The following TNFRSF8 variants were observed in gnomAD, a reference collection of about 807,000 sequenced individuals.
TNFRSF8 encodes TNF receptor superfamily member 8.
In TNFRSF8, 26 loss-of-function variants were observed where a neutral mutation model predicts 70.8. The ratio of observed to expected loss-of-function variants is 0.37; its 90% CI spans 0.27 to 0.51. The LOEUF is 0.51. TNFRSF8 is among the 20% of genes least tolerant of loss of function. TNFRSF8 has a pLI of 0.94. For synonymous variants in TNFRSF8, 356 were observed against 339.2 expected (o/e 1.05, Z -0.54); for missense variants, 720 against 807.9 (o/e 0.89, Z 1.32).
At chr1:12,097,646 C>T (rs186648225) in intron 3 of TNFRSF8, among the ~76,000 whole-genome samples, 24 of 151,930 alleles carry the variant, frequency 1.6e-4, no homozygotes, top group Admixed American at 1.4e-3. Flanking sequence ...ACAGGACTTC[C>T]AGGAAAACTG....
chr1:12,128,833 C>CTTTTTTTTTTTTTTTTTT (rs60878706), intron 12 of TNFRSF8, among the ~76,000 whole-genome samples: 1 of 111,776 alleles, frequency 8.9e-6, no homozygotes, highest in African/African-American at 3.6e-5. Flanking sequence ...GTCTAAAATT[C>CTTTTTTTTTTTTTTTTTT]TTTTTTTTTT....
At chr1:12,082,660 T>C (rs1458068899) in intron 1 of TNFRSF8, among the ~76,000 whole-genome samples, 1 of 151,584 alleles carries the variant, frequency 6.6e-6, no homozygotes, top group East Asian at 1.9e-4. Flanking sequence ...CTTCACACCA[T>C]GTACAAGAAT....
chr1:12,073,592 CTT>C (rs796643706), intron 1 of TNFRSF8, among the ~76,000 whole-genome samples: 1 of 121,298 alleles, frequency 8.2e-6, no homozygotes, highest in Admixed American at 8.6e-5. Flanking sequence ...TTTTCTTTTT[CTT>C]TTTTTTTTTT....
intron 12 of TNFRSF8, among the ~76,000 whole-genome samples, chr1:12,131,110 C>G (rs1642039962): frequency 1.3e-5 from 2 of 152,178 alleles, no homozygotes; most frequent in South Asian, 4.1e-4. Context: ...GCTGTGTGCT[C>G]AACAGCATCC....
intron 13 of TNFRSF8, among the ~76,000 whole-genome samples, chr1:12,137,548 GTTTTTTTTTGT>G (rs767582103): frequency 0.024 from 3,204 of 131,464 alleles, 44 homozygotes; most frequent in Non-Finnish European, 0.03. Context: ...CTGTTTTTTT[GTTTTTTTTTGT>G]TTTTTTTTTG....
chr1:12,071,981 G>A (rs1640855597), intron 1 of TNFRSF8, among the ~76,000 whole-genome samples: 1 of 152,172 alleles, frequency 6.6e-6, no homozygotes, highest in Non-Finnish European at 1.5e-5. Context: ...ATAGGCATGA[G>A]CCACCTTTGA....
In TNFRSF8 at chr1:12,097,110, C is replaced by T; in HGVS notation, c.161C>T (p.Pro54Leu). 7 of 1,613,566 alleles carry T rather than the reference C, an allele frequency of 4.3e-6. No individual in the cohort carries two copies. Among genetic ancestry groups the T allele is most frequent in the South Asian group, 1.1e-5 (1 of 91,048 alleles). ...CCYRCPMGLF[P>L]TQQCPQRPTD... ...CTGTTTCTTTTCCCAGGGCTGTTCC[C>T]GACACAGCAGTGCCCACAGAGGCCT... Residue 54 changes from proline (P) to leucine (L), a missense_variant, in exon 3 of 15, where the codon CCG (proline) becomes CTG (leucine). Coordinates refer to ENST00000263932, the MANE Select transcript of TNFRSF8 (RefSeq NM_001243.5).
At position 12,141,769 on chromosome 1, in the gene TNFRSF8, G is replaced by C. The variant is rs533027948; in HGVS notation, c.1544-518G>C. Reference sequence around the variant, plus strand: ...ATAGGAGCAGAAAGGGCCACCAGGCGGAGTGGGTGGTTTTTTTTTGGGGGA... The same window carrying C: ...ATAGGAGCAGAAAGGGCCACCAGGCCGAGTGGGTGGTTTTTTTTTGGGGGA... On this transcript the variant is annotated intron_variant, in intron 14 of 14. Transcript: ENST00000263932. The surrounding 1 kb of genome is among the most constrained non-coding windows in gnomAD (Gnocchi z 5.4). Among the ~76,000 whole-genome samples the C allele has an allele frequency of 1.3e-5, 2 of 152,200 alleles. No homozygotes were observed. Among genetic ancestry groups the C allele is most frequent in the South Asian group, 4.1e-4 (2 of 4,836 alleles).
chr1:12,126,220 CA>C lies in TNFRSF8; in HGVS notation c.1295del (p.Lys432SerfsTer2). The C allele has an allele frequency of 6.2e-7, 1 of 1,614,162 alleles. No individual in the cohort carries two copies. Among genetic ancestry groups the C allele is most frequent in the Non-Finnish European group, 8.5e-7 (1 of 1,180,028 alleles). On this transcript the variant is annotated frameshift_variant, in exon 12 of 15. Transcript: ENST00000263932. LOFTEE classifies it high-confidence loss of function. ...GCTACCCGGTCCAGACCTCCCAGCC[CA>C]AGCTAGAGCTTGTGGGTGAGTGTCC... ...LCYPVQTSQP[K>X]LELVDSRPRR...
At chr1:12,096,902 G>A (rs1360094316) in intron 2 of TNFRSF8, among the ~76,000 whole-genome samples, 199 bp from the exon 3 acceptor site, 1 of 152,146 alleles carries the variant, frequency 6.6e-6, no homozygotes, top group South Asian at 2.1e-4. Context: ...GCTTTTCCTT[G>A]CCTGCTAGGG....
intron 1 of TNFRSF8, among the ~76,000 whole-genome samples, chr1:12,073,175 C>A (rs571985018): frequency 1.3e-5 from 2 of 152,166 alleles, no homozygotes; most frequent in African/African-American, 4.8e-5. Flanking sequence ...GAGAGGATCA[C>A]GTGAGCCCAG....
intron 8 of TNFRSF8, among the ~76,000 whole-genome samples, chr1:12,117,587 CA>C (rs1406708155): frequency 1.3e-5 from 2 of 152,106 alleles, no homozygotes. Context: ...GTTCCCTGGC[CA>C]ACTTCCTACT....
Position 12,108,972 on chromosome 1 carries a change from TC to T in TNFRSF8, c.422-590del, listed in dbSNP as rs915137673. On this transcript the variant is annotated intron_variant, in intron 4 of 14. Coordinates refer to ENST00000263932, the MANE Select transcript of TNFRSF8 (RefSeq NM_001243.5). This position sits in a 1 kb window ranked among gnomAD's most constrained non-coding sequence, Gnocchi z 4.0. ...ACTCCTTGGATTGCATGTAGCAAAA[TC>T]CCCAATTTTTTAGCACATGTAGCTT... is the stretch of plus-strand genomic sequence containing the variant. Among the ~76,000 whole-genome samples the T allele has an allele frequency of 2.0e-5, 3 of 152,000 alleles. No individual in the cohort carries two copies. The highest frequency in any genetic ancestry group is 2.9e-5 in the Non-Finnish European group (2 of 67,986).
chr1:12,070,754 T>G (rs187308304), intron 1 of TNFRSF8, among the ~76,000 whole-genome samples: 6 of 152,172 alleles, frequency 3.9e-5, no homozygotes, highest in Admixed American at 3.9e-4. Flanking sequence ...AGGTGTCATT[T>G]TGGGATGTGG....
chr1:12,071,762 C>A (rs986312893), intron 1 of TNFRSF8, among the ~76,000 whole-genome samples: 1 of 152,168 alleles, frequency 6.6e-6, no homozygotes, highest in Non-Finnish European at 1.5e-5. Flanking sequence ...CAGGTTTCAC[C>A]ATGTTGGCCA....
rs775291767 is a variant in TNFRSF8, at chr1:12,109,693, GC to G, written c.512+38del. On this transcript the variant is annotated intron_variant, in intron 5 of 14. Coordinates refer to ENST00000263932, the MANE Select transcript of TNFRSF8 (RefSeq NM_001243.5). The surrounding 1 kb of genome is among the most constrained non-coding windows in gnomAD (Gnocchi z 4.4). Reference sequence around the variant, plus strand: ...GCTTTGCCTCCTCCTCTTCCCCCAAGCTGGCTTTCAGATGAGGCTGCCCCAC... The same window carrying G: ...GCTTTGCCTCCTCCTCTTCCCCCAAGTGGCTTTCAGATGAGGCTGCCCCAC... The G allele has an allele frequency of 3.2e-6, 5 of 1,582,762 alleles. No homozygotes were observed. The highest frequency in any genetic ancestry group is 4.3e-6 in the Non-Finnish European group (5 of 1,153,444).
chr1:12,079,795 G>A (rs1354436940), intron 1 of TNFRSF8, among the ~76,000 whole-genome samples: 4 of 152,144 alleles, frequency 2.6e-5, no homozygotes, highest in Non-Finnish European at 5.9e-5. Flanking sequence ...TGGATTTACC[G>A]AGAATTATTG....
At chr1:12,126,081 G>T (rs1349496090) in intron 11 of TNFRSF8, 29 bp downstream of exon 11, 1 of 1,612,086 alleles carries the variant, frequency 6.2e-7, no homozygotes, top group East Asian at 2.2e-5. Flanking sequence ...GGGGCCTTGG[G>T]GAGGACAGGT....
intron 10 of TNFRSF8, among the ~76,000 whole-genome samples, chr1:12,124,632 G>A (rs1369732731): frequency 6.6e-6 from 1 of 152,124 alleles, no homozygotes; most frequent in African/African-American, 2.4e-5. Flanking sequence ...GACCAGCCTG[G>A]CCAACACGAT....
Sources: allele counts gnomAD v4.1 joint callset (sites outside exome capture counted in the v4.1 genomes callset), GRCh38; gene constraint gnomAD v4.1.1; non-coding constraint Gnocchi (gnomAD v3.1); transcripts MANE v1.5; gene names NCBI Gene and HGNC (gene_info 2026-07-23, HGNC 2026-07-21).